NCALD: variants seen among roughly 807,000 people sequenced by gnomAD.
NCALD encodes neurocalcin-delta.
In NCALD, 10 loss-of-function variants were observed where a neutral mutation model predicts 18.6. The observed-to-expected ratio is 0.54, with a 90% CI of 0.33 to 0.91. The LOEUF is 0.91. Among genes scored for constraint, NCALD ranks in the 40% least tolerant of loss-of-function variants. The pLI is 0.03. For missense variants in NCALD, 184 were observed against 247.6 expected, an observed-to-expected ratio of 0.74 and a Z score of 1.72; for synonymous variants, 88 against 87.4, an observed-to-expected ratio of 1.01 and a Z score of -0.04.
rs146141635 is a variant in NCALD, at chr8:101,906,502, G to A, written c.-107+9307C>T. On this transcript the variant is annotated intron_variant, in intron 3 of 6. Coordinates refer to the NCALD transcript ENST00000311028. ...CCATGGTTGACACAAAAACAAATGG[G>A]TGGGCCTGTGTGCCTATAAAACTTT... 2.0e-3 allele frequency among the ~76,000 whole-genome samples: 301 copies of A among 152,292 alleles called. 2 individuals are homozygous for A. Among genetic ancestry groups the A allele is most frequent in the Middle Eastern group, 0.01 (3 of 294 alleles).
intron 1 of NCALD, among the ~76,000 whole-genome samples, chr8:102,061,196 GAGC>G (rs1356221235): frequency 6.6e-6 from 1 of 152,216 alleles, no homozygotes; most frequent in Non-Finnish European, 1.5e-5. Context: ...TCTGCAGAAT[GAGC>G]AGGGAGAAAG....
At chr8:101,868,296 C>T (rs1815859542) in intron 4 of NCALD, among the ~76,000 whole-genome samples, 1 of 152,084 alleles carries the variant, frequency 6.6e-6, no homozygotes, top group African/African-American at 2.4e-5. Context: ...ACTGAGCTCG[C>T]ACTGACCTTC....
At chr8:101,848,505 G>A (rs1212650398) in intron 4 of NCALD, among the ~76,000 whole-genome samples, 3 of 152,248 alleles carry the variant, frequency 2.0e-5, no homozygotes, top group Non-Finnish European at 4.4e-5. Context: ...AGACCTAAAA[G>A]TGTTTGATAC....
chr8:102,027,882 T>G (rs1315254591), intron 1 of NCALD, among the ~76,000 whole-genome samples: 1 of 152,156 alleles, frequency 6.6e-6, no homozygotes, highest in African/African-American at 2.4e-5. Flanking sequence ...GAAAAGCCCC[T>G]GATAAATTCA....
At chr8:101,785,919 A>G (rs1812207433) in intron 1 of NCALD, 2 of 152,242 alleles carry the variant, frequency 1.3e-5, no homozygotes, top group Non-Finnish European at 2.9e-5. Flanking sequence ...CACCAGCTGC[A>G]GAATGTCTCT....
At position 101,828,356 on chromosome 8, in the gene NCALD, G is replaced by A. The variant is rs184929767; in HGVS notation, c.-20+58785C>T. Among the ~76,000 whole-genome samples the A allele has an allele frequency of 3.6e-3, 542 of 152,132 alleles. 3 individuals are homozygous for A. Among genetic ancestry groups the A allele is most frequent in the Middle Eastern group, 6.8e-3 (2 of 294 alleles). ...CCCCGATTCAATGCTTCCTCTCCCC[G>A]TCACTCATTCACCTAAAACTAAAAC... is the stretch of plus-strand genomic sequence containing the variant. On this transcript the variant is annotated intron_variant, in intron 4 of 6. Coordinates refer to the NCALD transcript ENST00000311028.
At chr8:101,706,523 T>C (rs1405501745) in intron 2 of NCALD, among the ~76,000 whole-genome samples, 2 of 152,204 alleles carry the variant, frequency 1.3e-5, no homozygotes, top group African/African-American at 4.8e-5. Context: ...ATAGTGCCTT[T>C]GTACTAGGTT....
intron 1 of NCALD, among the ~76,000 whole-genome samples, chr8:102,119,303 G>A: frequency 6.6e-6 from 1 of 152,188 alleles, no homozygotes; most frequent in East Asian, 1.9e-4. Context: ...ATTATTATAA[G>A]TGAAATAGGC....
At chr8:102,122,003 C>T (rs1465575897) in intron 1 of NCALD, among the ~76,000 whole-genome samples, 1 of 152,186 alleles carries the variant, frequency 6.6e-6, no homozygotes, top group Non-Finnish European at 1.5e-5. Flanking sequence ...GAATCCATCT[C>T]TCAAGGCACA....
chr8:102,095,590 C>T (rs1162194381), intron 1 of NCALD, among the ~76,000 whole-genome samples: 1 of 151,996 alleles, frequency 6.6e-6, no homozygotes, highest in Non-Finnish European at 1.5e-5. Context: ...TTAACTGACA[C>T]GAATGCTTAG....
At chr8:102,015,438 T>C (rs1010320039) in intron 2 of NCALD, among the ~76,000 whole-genome samples, 2 of 152,240 alleles carry the variant, frequency 1.3e-5, no homozygotes, top group African/African-American at 4.8e-5. Flanking sequence ...AAGTTTTAGA[T>C]TGTGGTTTTA....
At chr8:101,920,467 G>A (rs577428502) in intron 2 of NCALD, among the ~76,000 whole-genome samples, 11 of 152,198 alleles carry the variant, frequency 7.2e-5, no homozygotes, top group African/African-American at 1.9e-4. Flanking sequence ...CAAAGACATG[G>A]AATCAACCTA....
intron 1 of NCALD, among the ~76,000 whole-genome samples, chr8:102,101,932 T>C (rs957463821): frequency 6.6e-6 from 1 of 152,280 alleles, no homozygotes; most frequent in Middle Eastern, 3.4e-3. Context: ...GGTGGGAGAA[T>C]GACTTCTAAA....
intron 1 of NCALD, among the ~76,000 whole-genome samples, chr8:102,110,631 G>A (rs1369976582): frequency 1.3e-5 from 2 of 152,140 alleles, no homozygotes; most frequent in Non-Finnish European, 2.9e-5. Flanking sequence ...AGATGAAATC[G>A]ACACAGTCTC....
intron 2 of NCALD, among the ~76,000 whole-genome samples, chr8:101,925,392 T>A (rs1257013882): frequency 1.3e-5 from 2 of 151,668 alleles, no homozygotes; most frequent in African/African-American, 4.8e-5. Context: ...AGCCAGCTAG[T>A]GATTTATGGC....
At chr8:101,879,394 G>T (rs189233645) in intron 4 of NCALD, among the ~76,000 whole-genome samples, 1 of 152,194 alleles carries the variant, frequency 6.6e-6, no homozygotes, top group East Asian at 1.9e-4. Context: ...TCTTAAGGCC[G>T]CCAGTCTGGA....
At chr8:101,735,179 A>G (rs1817019879) in intron 1 of NCALD, among the ~76,000 whole-genome samples, 1 of 152,222 alleles carries the variant, frequency 6.6e-6, no homozygotes, top group African/African-American at 2.4e-5. Flanking sequence ...AAATCAGGTA[A>G]TAAACAAAAC....
rs554906477 is a variant in NCALD, at chr8:101,688,355, T to TA, written c.*953dup. 1.1e-3 allele frequency: 233 copies of TA among 216,278 alleles called. 2 individuals carry two copies. In the South Asian group the frequency reaches 0.014, roughly 13 times the overall value. 13.4% of individuals were successfully genotyped at this position (216,278 alleles called of 1,614,324 possible). ...CCTAGTCAGGGTTACTTTGTATTTT[T>TA]ATGGAATATATAAAATATACTTGTC... On this transcript the variant is annotated 3_prime_UTR_variant, in exon 4 of 4. Coordinates refer to ENST00000220931, the MANE Select transcript of NCALD (RefSeq NM_032041.3).
chr8:101,788,496 T>C (rs1812321189), intron 1 of NCALD: 2 of 152,242 alleles, frequency 1.3e-5, no homozygotes, highest in African/African-American at 4.8e-5. Flanking sequence ...ATGGTAGTTA[T>C]GGTAGTTATT....
Sources: allele counts gnomAD v4.1 joint callset (sites outside exome capture counted in the v4.1 genomes callset), GRCh38; gene constraint gnomAD v4.1.1; transcripts MANE v1.5; gene names NCBI Gene and HGNC (gene_info 2026-07-23, HGNC 2026-07-21).